NCAM2: variants seen among roughly 807,000 people sequenced by gnomAD.
NCAM2 encodes the protein neural cell adhesion molecule 2.
In NCAM2, 30 loss-of-function variants were observed where a neutral mutation model predicts 98.1. The observed-to-expected ratio is 0.31, with a 90% CI of 0.23 to 0.41. NCAM2 has a LOEUF of 0.41. Among genes scored for constraint, NCAM2 ranks in the 10% least tolerant of loss-of-function variants. The pLI is 1.00. For missense variants in NCAM2, 867 were observed against 1,005.8 expected (o/e 0.86, Z 1.87); for synonymous variants, 368 against 342.4 (o/e 1.07, Z -0.83).
At chr21:21,359,119 C>A (rs2075574964) in intron 8 of NCAM2, among the ~76,000 whole-genome samples, 2 of 151,912 alleles carry the variant, frequency 1.3e-5, no homozygotes. Flanking sequence ...TTTCTTTTTT[C>A]TTTTTTCAAC....
intron 14 of NCAM2, among the ~76,000 whole-genome samples, chr21:21,471,366 A>G (rs1010675195): frequency 2.0e-5 from 3 of 152,154 alleles, no homozygotes; most frequent in African/African-American, 7.2e-5. Flanking sequence ...TGAAATAACT[A>G]CTTCAAAAAG....
intron 1 of NCAM2, among the ~76,000 whole-genome samples, chr21:21,199,330 G>T (rs765974597): frequency 6.6e-6 from 1 of 152,132 alleles, no homozygotes; most frequent in Non-Finnish European, 1.5e-5. Context: ...ACATACATAT[G>T]CAAACACACA....
chr21:21,090,082 G>A (rs374510366), intron 1 of NCAM2, among the ~76,000 whole-genome samples: 9 of 152,138 alleles, frequency 5.9e-5, no homozygotes, highest in Non-Finnish European at 2.9e-5. Context: ...CTGTAGCATC[G>A]GCAGCAACTG....
intron 1 of NCAM2, among the ~76,000 whole-genome samples, chr21:21,030,442 C>G (rs2064655174): frequency 6.6e-6 from 1 of 152,172 alleles, no homozygotes; most frequent in Admixed American, 6.5e-5. Flanking sequence ...CCTCTTCTGT[C>G]ATCACGTCTT....
intron 8 of NCAM2, among the ~76,000 whole-genome samples, chr21:21,351,728 CATTT>C (rs10538090): frequency 0.013 from 1,922 of 151,994 alleles, 43 homozygotes; most frequent in African/African-American, 0.044. Flanking sequence ...TCTATTTGTT[CATTT>C]GTTTGTTTCT....
chr21:21,267,148 T>C (rs1041437095), intron 1 of NCAM2, among the ~76,000 whole-genome samples: 2 of 152,152 alleles, frequency 1.3e-5, no homozygotes, highest in African/African-American at 4.8e-5. Flanking sequence ...ACTGCACAGT[T>C]TAATATTTAA....
At chr21:21,460,272 A>T (rs892411244) in intron 12 of NCAM2, among the ~76,000 whole-genome samples, 1 of 152,100 alleles carries the variant, frequency 6.6e-6, no homozygotes, top group East Asian at 1.9e-4. Context: ...TAATAGGTCA[A>T]TATAAAGCTA....
intron 5 of NCAM2, among the ~76,000 whole-genome samples, chr21:21,307,683 G>C (rs887277037): frequency 6.6e-6 from 1 of 152,086 alleles, no homozygotes; most frequent in Non-Finnish European, 1.5e-5. Flanking sequence ...CTGCAGGAGG[G>C]TGCCTTTACC....
chr21:21,015,625 A>T (rs1321796865), intron 1 of NCAM2, among the ~76,000 whole-genome samples: 2 of 152,126 alleles, frequency 1.3e-5, no homozygotes, highest in Non-Finnish European at 2.9e-5. Context: ...GTTTATTGTG[A>T]TATATGCTTT....
At chr21:21,011,314 T>C (rs1265189161) in intron 1 of NCAM2, among the ~76,000 whole-genome samples, 3 of 152,056 alleles carry the variant, frequency 2.0e-5, no homozygotes, top group African/African-American at 4.8e-5. Context: ...GAATATCTGA[T>C]TCTAAAATGA....
intron 1 of NCAM2, among the ~76,000 whole-genome samples, chr21:21,135,011 G>C (rs984107462): frequency 6.7e-6 from 1 of 149,530 alleles, no homozygotes; most frequent in African/African-American, 2.5e-5. Flanking sequence ...GAGGCGGGCA[G>C]ATCACGAGGT....
At chr21:21,042,813 A>G (rs939423603) in intron 1 of NCAM2, among the ~76,000 whole-genome samples, 2 of 152,192 alleles carry the variant, frequency 1.3e-5, no homozygotes, top group African/African-American at 4.8e-5. Context: ...TTCTGCAAGA[A>G]CTGTCCTTGA....
intron 15 of NCAM2, among the ~76,000 whole-genome samples, chr21:21,500,114 AG>A (rs1392620086): frequency 6.6e-6 from 1 of 152,164 alleles, no homozygotes; most frequent in Non-Finnish European, 1.5e-5. Context: ...GTTTTCTAGA[AG>A]GAAGGAAGAA....
chr21:21,206,229 C>A (rs547845483), intron 1 of NCAM2, among the ~76,000 whole-genome samples: 1 of 152,064 alleles, frequency 6.6e-6, no homozygotes, highest in Non-Finnish European at 1.5e-5. Flanking sequence ...TTTCATATCA[C>A]AGTTATAAAT....
chr21:21,254,697 G>C (rs931947995), intron 1 of NCAM2, among the ~76,000 whole-genome samples: 1 of 152,144 alleles, frequency 6.6e-6, no homozygotes, highest in East Asian at 1.9e-4. Flanking sequence ...GTTGTAAAGA[G>C]CTGTAATGGA....
At chr21:21,302,799 G>A (rs1262583956) in intron 5 of NCAM2, among the ~76,000 whole-genome samples, 8 of 152,066 alleles carry the variant, frequency 5.3e-5, no homozygotes, top group African/African-American at 1.7e-4. Context: ...GCATAGAGAC[G>A]TGTATGTTCA....
rs185946756 is a variant in NCAM2 at position 21,392,799 on chromosome 21, G to T, written c.1196-17475G>T. On this transcript the variant is annotated intron_variant, in intron 9 of 17. Coordinates refer to ENST00000400546, the MANE Select transcript of NCAM2 (RefSeq NM_004540.5). ...CTTTGCCCACTTTTTAATGGGGTTG[G>T]TTTTTTTCTTGTAAATTTGTTTAAG... is the stretch of plus-strand genomic sequence containing the variant. Among the ~76,000 whole-genome samples the T allele has an allele frequency of 6.0e-3, 908 of 151,912 alleles. 11 individuals are homozygous for T. Among genetic ancestry groups the T allele is most frequent in the African/African-American group, 0.021 (878 of 41,498 alleles).
At chr21:21,464,685 G>A (rs1319829138) in intron 12 of NCAM2, among the ~76,000 whole-genome samples, 2 of 152,108 alleles carry the variant, frequency 1.3e-5, no homozygotes, top group Admixed American at 6.6e-5. Context: ...TAGCATTTTA[G>A]CAACCTTGGT....
At chr21:21,248,637 C>T (rs1254227869) in intron 1 of NCAM2, among the ~76,000 whole-genome samples, 4 of 151,436 alleles carry the variant, frequency 2.6e-5, no homozygotes, top group African/African-American at 4.9e-5. Context: ...ATTAGCTGGG[C>T]GTGGTGGCGG....
Sources: allele counts gnomAD v4.1 joint callset (sites outside exome capture counted in the v4.1 genomes callset), GRCh38; gene constraint gnomAD v4.1.1; transcripts MANE v1.5; gene names NCBI Gene and HGNC (gene_info 2026-07-23, HGNC 2026-07-21).